DLGAP3: variants seen among roughly 807,000 people sequenced by gnomAD.
The protein encoded by DLGAP3 is DLG associated protein 3, also known as disks large-associated protein 3.
DLGAP3 carries 17 observed loss-of-function variants against 81.2 expected under a neutral mutation model. That is an observed-to-expected ratio of 0.21 (90% CI 0.14 to 0.31). DLGAP3 has a LOEUF of 0.31. Among genes scored for constraint, DLGAP3 ranks in the 10% least tolerant of loss-of-function variants. The pLI, the probability that DLGAP3 is intolerant of heterozygous loss-of-function variation, is 1.00. For synonymous variants in DLGAP3, 577 were observed against 587.4 expected, an observed-to-expected ratio of 0.98 and a Z score of 0.26; for missense variants, 1,124 against 1,388.0, an observed-to-expected ratio of 0.81 and a Z score of 3.02.
At position 34,885,805 on chromosome 1, in the gene DLGAP3, G is replaced by T. The variant is rs1382114023; in HGVS notation, c.1601-14C>A. ...TGAAGTTGAAGGCTGTGGCCGGCGA[G>T]CGCAGAGACGCAGTGGGTGAGGCTC... On this transcript the variant is annotated splice_polypyrimidine_tract_variant and intron_variant, in intron 6 of 11. Transcript: ENST00000373347. 1 of 1,403,334 alleles carries T rather than the reference G, an allele frequency of 7.1e-7. No individual in the cohort carries two copies. The highest frequency in any genetic ancestry group is 9.2e-7 in the Non-Finnish European group (1 of 1,082,594). The allele number at this position is 1,403,334 out of a possible 1,614,324, so 86.9% of individuals were successfully genotyped here.
chr1:34,891,800 C>T (rs1189655132), intron 5 of DLGAP3, among the ~76,000 whole-genome samples: 3 of 152,036 alleles, frequency 2.0e-5, no homozygotes, highest in Non-Finnish European at 4.4e-5. Flanking sequence ...AGAAACAAGG[C>T]TTAAAATAAA....
chr1:34,921,245 A>G (rs1639790958), intron 1 of DLGAP3, among the ~76,000 whole-genome samples: 1 of 152,220 alleles, frequency 6.6e-6, no homozygotes, highest in African/African-American at 2.4e-5. Flanking sequence ...CTGGAAAGGC[A>G]AGACCTCATT....
chr1:34,888,569 G>T (rs1285886653), intron 5 of DLGAP3, among the ~76,000 whole-genome samples: 1 of 152,216 alleles, frequency 6.6e-6, no homozygotes, highest in African/African-American at 2.4e-5. Flanking sequence ...TGGTTCCAAT[G>T]TGGGCCTACT....
chr1:34,906,063 T>C (rs895326633), intron 2 of DLGAP3, among the ~76,000 whole-genome samples: 145 of 141,690 alleles, frequency 1.0e-3, no homozygotes, highest in Non-Finnish European at 1.9e-3. Flanking sequence ...TAAATGTATA[T>C]TAATAAATAT....
At chr1:34,880,212 C>A (rs1639125184) in intron 8 of DLGAP3, among the ~76,000 whole-genome samples, 1 of 152,052 alleles carries the variant, frequency 6.6e-6, no homozygotes, top group Non-Finnish European at 1.5e-5. Context: ...TGCCACCATG[C>A]CCAGCTAATT....
chr1:34,917,378 T>C (rs1282859880), intron 1 of DLGAP3, among the ~76,000 whole-genome samples: 1 of 151,284 alleles, frequency 6.6e-6, no homozygotes, highest in East Asian at 1.9e-4. Flanking sequence ...GATAGGGTTT[T>C]GCTCTGTCAC....
At chr1:34,875,384 G>GT (rs1244676561) in intron 8 of DLGAP3, among the ~76,000 whole-genome samples, 2 of 152,126 alleles carry the variant, frequency 1.3e-5, no homozygotes, top group African/African-American at 2.4e-5. Flanking sequence ...AATAACAGAT[G>GT]TTTTTACTAT....
At chr1:34,899,935 A>T (rs567806254) in intron 4 of DLGAP3, 133 bp downstream of exon 4, 73 of 915,622 alleles carry the variant, frequency 8.0e-5, no homozygotes, top group Non-Finnish European at 1.2e-4. Flanking sequence ...CTCCCTTTAC[A>T]TGGAGTGGAG....
At position 34,866,938 on chromosome 1, in the gene DLGAP3, C is replaced by T. The variant is rs556093618; in HGVS notation, c.2721+110G>A. Reference sequence around the variant, plus strand: ...TATCACCTGTCCAAGGCTGCCCTTGCTGCCCATGGATCCCTTCCCCTGCCC... The same window carrying T: ...TATCACCTGTCCAAGGCTGCCCTTGTTGCCCATGGATCCCTTCCCCTGCCC... On this transcript the variant is annotated intron_variant, in intron 11 of 11. Coordinates refer to ENST00000373347, the MANE Select transcript of DLGAP3 (RefSeq NM_001080418.3). 9.3e-6 allele frequency: 12 copies of T among 1,295,878 alleles called. No homozygotes were observed. In the East Asian group the frequency reaches 2.5e-4, roughly 27 times the overall value. 80.3% of individuals were successfully genotyped at this position (1,295,878 alleles called of 1,614,324 possible). A position where few individuals can be genotyped will look rare whatever the true frequency, so the allele number is the denominator to read the frequency against.
rs548311867 is a variant in DLGAP3 at position 34,885,372 on chromosome 1, C to A, written c.1914+106G>T. On this transcript the variant is annotated intron_variant, in intron 7 of 11. Transcript: ENST00000373347. ...CACGGGGTTCACTTGCAGCTCAGGGCAAGCCAGAAAGAATGTCGATATATC... is the reference window on the plus strand; with the variant it reads ...CACGGGGTTCACTTGCAGCTCAGGGAAAGCCAGAAAGAATGTCGATATATC... The A allele has an allele frequency of 8.4e-6, 11 of 1,302,276 alleles. No homozygotes were observed. In the African/African-American group the frequency reaches 1.4e-4, roughly 17 times the overall value. The allele number at this position is 1,302,276 out of a possible 1,614,324, so 80.7% of individuals were successfully genotyped here.
intron 8 of DLGAP3, among the ~76,000 whole-genome samples, chr1:34,877,683 A>G (rs1479629413): frequency 6.6e-6 from 1 of 152,256 alleles, no homozygotes; most frequent in South Asian, 2.1e-4. Flanking sequence ...AAGTGTTCCA[A>G]GATTCTTGTT....
At position 34,909,665 on chromosome 1, in the gene DLGAP3, T is replaced by C. The variant is rs118118336; in HGVS notation, c.-134-2228A>G. Among the ~76,000 whole-genome samples the C allele has an allele frequency of 1.2e-4, 19 of 152,272 alleles. No individual in the cohort carries two copies. The East Asian group carries it at 3.7e-3, about 29-fold the overall frequency. ...TGGATTTTCTAAAGAAAATATTTAA[T>C]TAACAACTGGCTTCCTCCTATATAT... On this transcript the variant is annotated intron_variant, in intron 1 of 11. Coordinates refer to ENST00000373347, the MANE Select transcript of DLGAP3 (RefSeq NM_001080418.3).
At chr1:34,926,712 C>T (rs564035974) in intron 1 of DLGAP3, among the ~76,000 whole-genome samples, 1 of 152,156 alleles carries the variant, frequency 6.6e-6, no homozygotes, top group Non-Finnish European at 1.5e-5. Flanking sequence ...AAATACGGGG[C>T]CCCTTGCTGA....
chr1:34,923,139 G>T (rs1639820891), intron 1 of DLGAP3, among the ~76,000 whole-genome samples: 1 of 152,104 alleles, frequency 6.6e-6, no homozygotes, highest in Non-Finnish European at 1.5e-5. Context: ...AAAAGAAAGA[G>T]AAAATATCAA....
chr1:34,906,405 G>T (rs1332078881), intron 2 of DLGAP3, among the ~76,000 whole-genome samples: 1 of 151,922 alleles, frequency 6.6e-6, no homozygotes, highest in Non-Finnish European at 1.5e-5. Flanking sequence ...GAGAACACTG[G>T]ACCCAAATCT....
rs1639432508 is a variant in DLGAP3, at chr1:34,900,111, A to G, written c.1270T>C (p.Phe424Leu). Residue 424 changes from phenylalanine (F) to leucine (L), a missense_variant, in exon 4 of 12, where the codon TTC (phenylalanine) becomes CTC (leucine). Around this residue, in one of 9 missense-constraint regions of DLGAP3, gnomAD observed 357 missense variants for 408.8 expected, o/e 0.87. Transcript: ENST00000373347. The surrounding 1 kb of genome is among the most constrained non-coding windows in gnomAD (Gnocchi z 5.6). ...KTSPKAVARR[F>L]TTRRSSSVDQ... ...ACGCTGGAGGAGCGACGGGTGGTGA[A>G]GCGTCGGGCGACTGCTTTGGGAGAT... 1 of 1,613,752 alleles carries G rather than the reference A, an allele frequency of 6.2e-7. No homozygotes were observed. The highest frequency in any genetic ancestry group is 8.5e-7 in the Non-Finnish European group (1 of 1,180,018).
rs1359616912 is a variant in DLGAP3 at position 34,868,519 on chromosome 1, C to A, written c.2485+86G>T. On this transcript the variant is annotated intron_variant, in intron 9 of 11. Coordinates refer to ENST00000373347, the MANE Select transcript of DLGAP3 (RefSeq NM_001080418.3). The surrounding 1 kb of genome is among the most constrained non-coding windows in gnomAD (Gnocchi z 7.5). ...ACCGAAGGGGCCTCCTGTTACACTG[C>A]AGCCCCAGCCACCCCCATCAGGGTC... 1.4e-5 allele frequency: 17 copies of A among 1,177,166 alleles called. No homozygotes were observed. The African/African-American group carries it at 1.8e-4, about 12-fold the overall frequency. The allele number at this position is 1,177,166 out of a possible 1,614,324, so 72.9% of individuals were successfully genotyped here. A position where few individuals can be genotyped will look rare whatever the true frequency, so the allele number is the denominator to read the frequency against.
At chr1:34,926,984 G>A (rs1639882377) in intron 1 of DLGAP3, among the ~76,000 whole-genome samples, 1 of 152,196 alleles carries the variant, frequency 6.6e-6, no homozygotes, top group South Asian at 2.1e-4. Context: ...TGGAAGAGAT[G>A]ATGTTAGGTG....
rs771268465 is a variant in DLGAP3, at chr1:34,886,288, G to T, written c.1387-3C>A. The T allele has an allele frequency of 5.1e-6, 8 of 1,576,610 alleles. No individual in the cohort carries two copies. The highest frequency in any genetic ancestry group is 1.7e-4 in the Middle Eastern group (1 of 6,010). On this transcript the variant is annotated splice_region_variant and splice_polypyrimidine_tract_variant and intron_variant, in intron 5 of 11. Transcript: ENST00000373347. Reference sequence around the variant, plus strand: ...TGCTGGTTCAACTCATCGCTGAGCTGGGGGGCAGGGGGTCGGGAGGACAGT... The same window carrying T: ...TGCTGGTTCAACTCATCGCTGAGCTTGGGGGCAGGGGGTCGGGAGGACAGT...
Sources: allele counts gnomAD v4.1 joint callset (sites outside exome capture counted in the v4.1 genomes callset), GRCh38; gene constraint gnomAD v4.1.1; regional missense constraint gnomAD v4.1.1; non-coding constraint Gnocchi (gnomAD v3.1); transcripts MANE v1.5; gene names NCBI Gene and HGNC (gene_info 2026-07-23, HGNC 2026-07-21).